AUTS2: variants seen among roughly 807,000 people sequenced by gnomAD.
AUTS2 encodes autism susceptibility gene 2 protein.
A neutral mutation model predicts 112.4 loss-of-function variants in AUTS2; 17 were observed. That is an observed-to-expected ratio of 0.15 (90% CI 0.10 to 0.23). AUTS2 has a LOEUF of 0.23. AUTS2 is among the 10% of genes least tolerant of loss of function. The pLI, the probability that AUTS2 is intolerant of heterozygous loss-of-function variation, is 1.00. For missense variants in AUTS2, 1,510 were observed against 1,701.6 expected (o/e 0.89, Z 1.98); for synonymous variants, 751 against 702.7 (o/e 1.07, Z -1.09).
At chr7:69,641,910 A>C (rs1398719137) in intron 1 of AUTS2, among the ~76,000 whole-genome samples, 1 of 152,196 alleles carries the variant, frequency 6.6e-6, no homozygotes, top group East Asian at 1.9e-4. Context: ...ATTTCCCTTT[A>C]AAGTATTTGT....
At chr7:70,633,610 C>CA (rs71870928) in intron 5 of AUTS2, among the ~76,000 whole-genome samples, 2,449 of 104,822 alleles carry the variant, frequency 0.023, 68 homozygotes, top group Middle Eastern at 0.062. Context: ...GACTCCGTCT[C>CA]AAAAAAAAAA....
At chr7:70,060,505 A>G (rs1802194204) in intron 2 of AUTS2, among the ~76,000 whole-genome samples, 1 of 152,190 alleles carries the variant, frequency 6.6e-6, no homozygotes, top group African/African-American at 2.4e-5. Flanking sequence ...TGATCAAGGG[A>G]GGGGGATGTT....
intron 1 of AUTS2, among the ~76,000 whole-genome samples, chr7:69,718,877 C>T (rs571997703): frequency 3.1e-4 from 47 of 152,254 alleles, no homozygotes; most frequent in Admixed American, 7.2e-4. Context: ...GTGTCTTGTG[C>T]GAGTGGTGGG....
At chr7:70,224,500 T>C (rs1429180649) in intron 4 of AUTS2, among the ~76,000 whole-genome samples, 1 of 152,146 alleles carries the variant, frequency 6.6e-6, no homozygotes, top group Non-Finnish European at 1.5e-5. Context: ...TTAAGCTAAA[T>C]GTTATTAAAA....
At chr7:69,921,334 T>TG (rs1285370447) in intron 2 of AUTS2, among the ~76,000 whole-genome samples, 2 of 148,604 alleles carry the variant, frequency 1.3e-5, no homozygotes, top group Non-Finnish European at 3.0e-5. Flanking sequence ...GAAGTTTTTT[T>TG]TTTTTTTTTT....
At chr7:70,479,849 G>A (rs1366166477) in intron 5 of AUTS2, among the ~76,000 whole-genome samples, 1 of 152,170 alleles carries the variant, frequency 6.6e-6, no homozygotes, top group Non-Finnish European at 1.5e-5. Context: ...AAAAACCCAG[G>A]GCCCAGAGAA....
chr7:70,062,491 T>A (rs1344055225), intron 2 of AUTS2, among the ~76,000 whole-genome samples: 1 of 144,664 alleles, frequency 6.9e-6, no homozygotes, highest in African/African-American at 2.6e-5. Context: ...CCAGCCCAGG[T>A]GACAGAGCGA....
intron 1 of AUTS2, among the ~76,000 whole-genome samples, chr7:69,824,016 A>G (rs184467527): frequency 4.1e-4 from 62 of 152,310 alleles, no homozygotes; most frequent in African/African-American, 1.4e-3. Context: ...AGGGTTAGTA[A>G]TAATACCAAC....
At chr7:69,729,936 G>T (rs1306853779) in intron 1 of AUTS2, among the ~76,000 whole-genome samples, 2 of 143,760 alleles carry the variant, frequency 1.4e-5, no homozygotes, top group Admixed American at 1.4e-4. Flanking sequence ...CTTTTAATGG[G>T]TTATGGGTTC....
intron 2 of AUTS2, among the ~76,000 whole-genome samples, chr7:70,068,361 T>C (rs1802595156): frequency 6.6e-6 from 1 of 151,676 alleles, no homozygotes; most frequent in Non-Finnish European, 1.5e-5. Flanking sequence ...TTTTTTTGTA[T>C]TTTTAGTGGA....
At chr7:69,894,221 T>C (rs1794641494) in intron 1 of AUTS2, among the ~76,000 whole-genome samples, 1 of 151,436 alleles carries the variant, frequency 6.6e-6, no homozygotes, top group South Asian at 2.1e-4. Flanking sequence ...TTCCTGCTTC[T>C]TCTATGACTG....
intron 1 of AUTS2, among the ~76,000 whole-genome samples, chr7:69,752,779 A>G (rs548092394): frequency 2.8e-4 from 42 of 152,260 alleles, no homozygotes; most frequent in Middle Eastern, 3.4e-3. Flanking sequence ...TTCTTTTTCA[A>G]TGGGAAAGGA....
chr7:69,925,376 T>G (rs1034939380), intron 2 of AUTS2, among the ~76,000 whole-genome samples: 10 of 152,214 alleles, frequency 6.6e-5, no homozygotes, highest in Non-Finnish European at 1.5e-4. Context: ...TATAGCCTTT[T>G]GATGCTATAA....
intron 2 of AUTS2, among the ~76,000 whole-genome samples, chr7:70,102,808 T>C (rs1439997028): frequency 6.6e-6 from 1 of 152,296 alleles, no homozygotes; most frequent in East Asian, 1.9e-4. Context: ...AATGAAATTA[T>C]ATTCTCAATT....
chr7:70,324,943 A>T (rs1430768578), intron 4 of AUTS2, among the ~76,000 whole-genome samples: 1 of 152,198 alleles, frequency 6.6e-6, no homozygotes, highest in African/African-American at 2.4e-5. Flanking sequence ...AAGACCCAAA[A>T]GCCCACTCTG....
intron 4 of AUTS2, among the ~76,000 whole-genome samples, chr7:70,151,224 C>G (rs1350273339): frequency 6.6e-6 from 1 of 152,122 alleles, no homozygotes; most frequent in Non-Finnish European, 1.5e-5. Flanking sequence ...TTCCGTTATT[C>G]ATTAGAGAGT....
chr7:70,413,939 C>T (rs748785569), intron 4 of AUTS2, among the ~76,000 whole-genome samples: 7 of 152,164 alleles, frequency 4.6e-5, no homozygotes, highest in South Asian at 4.2e-4. Context: ...CCTCCCAAAG[C>T]GCTGGGATTA....
At chr7:70,588,484 A>G (rs1161409641) in intron 5 of AUTS2, among the ~76,000 whole-genome samples, 1 of 152,220 alleles carries the variant, frequency 6.6e-6, no homozygotes, top group Non-Finnish European at 1.5e-5. Context: ...GTTAGGGAAA[A>G]GAAACAGAGC....
chr7:69,966,058 G>C (rs1384076956), intron 2 of AUTS2, among the ~76,000 whole-genome samples: 1 of 152,152 alleles, frequency 6.6e-6, no homozygotes, highest in Non-Finnish European at 1.5e-5. Flanking sequence ...AATTTTGAAT[G>C]CTTAAATGAA....
Sources: allele counts gnomAD v4.1 joint callset (sites outside exome capture counted in the v4.1 genomes callset), GRCh38; gene constraint gnomAD v4.1.1; transcripts MANE v1.5; gene names NCBI Gene and HGNC (gene_info 2026-07-23, HGNC 2026-07-21).